The following AGAP1 variants were observed in gnomAD, a reference collection of about 807,000 sequenced individuals.
AGAP1 encodes arf-GAP with GTPase, ANK repeat and PH domain-containing protein 1.
A neutral mutation model predicts 105.3 loss-of-function variants in AGAP1; 29 were observed. The ratio of observed to expected loss-of-function variants is 0.28; its 90% CI spans 0.21 to 0.38. AGAP1 has a LOEUF of 0.38. AGAP1 is among the 10% of genes least tolerant of loss of function. The probability of loss-of-function intolerance (pLI) is 1.00; values close to 1 mark genes in which losing one functional copy is unlikely to be tolerated. For missense variants in AGAP1, 998 were observed against 1,165.1 expected (o/e 0.86, Z 2.09); for synonymous variants, 509 against 485.9 (o/e 1.05, Z -0.63).
At chr2:236,015,068 AT>A (rs1441444790) in intron 13 of AGAP1, among the ~76,000 whole-genome samples, 42 of 152,140 alleles carry the variant, frequency 2.8e-4, no homozygotes, top group South Asian at 8.3e-4. Context: ...TTATTTTACC[AT>A]TCGTGTTCCT....
chr2:235,695,330 G>A (rs761383398), intron 1 of AGAP1, among the ~76,000 whole-genome samples: 3 of 152,138 alleles, frequency 2.0e-5, no homozygotes, highest in Non-Finnish European at 2.9e-5. Context: ...GATGCTCATC[G>A]TAAAGACTTA....
chr2:235,517,954 A>AAAG lies in AGAP1; in HGVS notation c.163+23107_163+23108insGAA, dbSNP rs1942462718. Among the ~76,000 whole-genome samples the AAAG allele has an allele frequency of 1.3e-5, 2 of 151,878 alleles. No homozygotes were observed. The highest frequency in any genetic ancestry group is 4.8e-5 in the African/African-American group (2 of 41,374). ...TTTCAAAAAAAAAAAAAAAGAAAAA[A>AAAG]AAAAGGTAGAACTCATAGTTGCCAT... On this transcript the variant is annotated intron_variant, in intron 1 of 17. Transcript: ENST00000304032. The surrounding 1 kb of genome is among the most constrained non-coding windows in gnomAD (Gnocchi z 4.1).
At position 235,578,226 on chromosome 2, in the gene AGAP1, C is replaced by T. The variant is rs964222516; in HGVS notation, c.163+83377C>T. On this transcript the variant is annotated intron_variant, in intron 1 of 17. Transcript: ENST00000304032. This position sits in a 1 kb window ranked among gnomAD's most constrained non-coding sequence, Gnocchi z 4.9. Reference sequence around the variant, plus strand: ...TGAAACTGCCACTGTCAGAGCCAGCCTGAGCTCCACGGTGCCCGTCTCCTA... The same window carrying T: ...TGAAACTGCCACTGTCAGAGCCAGCTTGAGCTCCACGGTGCCCGTCTCCTA... Among the ~76,000 whole-genome samples the T allele has an allele frequency of 6.6e-6, 1 of 152,150 alleles. No homozygotes were observed. The highest frequency in any genetic ancestry group is 6.5e-5 in the Admixed American group (1 of 15,282).
In AGAP1 at chr2:235,621,647, C is replaced by G. The variant is rs1409008448; in HGVS notation, c.164-87532C>G. Among the ~76,000 whole-genome samples, 2 of 152,230 alleles carry G rather than the reference C, an allele frequency of 1.3e-5. No homozygotes were observed. The highest frequency in any genetic ancestry group is 2.9e-5 in the Non-Finnish European group (2 of 68,042). The stretch of plus-strand genomic sequence containing the variant: ...CAGATGTCAGTGACCCTTCTGGTCT[C>G]TCCAACACAAGGGTTGGTCATTCCC... On this transcript the variant is annotated intron_variant, in intron 1 of 17. Coordinates refer to ENST00000304032, the MANE Select transcript of AGAP1 (RefSeq NM_001037131.3). This position sits in a 1 kb window ranked among gnomAD's most constrained non-coding sequence, Gnocchi z 4.1.
intron 9 of AGAP1, among the ~76,000 whole-genome samples, chr2:235,873,259 C>T (rs560588836): frequency 1.1e-4 from 17 of 152,254 alleles, no homozygotes; most frequent in Admixed American, 4.6e-4. Context: ...TAATTTAAGC[C>T]AAGAAAGAAA....
At chr2:236,093,321 A>G (rs889853827) in intron 16 of AGAP1, among the ~76,000 whole-genome samples, 1 of 152,186 alleles carries the variant, frequency 6.6e-6, no homozygotes, top group African/African-American at 2.4e-5. Context: ...TCACTTGGTC[A>G]TTGTAAAGGG....
chr2:235,567,964 T>C lies in AGAP1; in HGVS notation c.163+73115T>C, dbSNP rs951065507. Among the ~76,000 whole-genome samples, 5 of 152,238 alleles carry C rather than the reference T, an allele frequency of 3.3e-5. 2 individuals carry two copies. ...AACTGAGACATTTCTGGAAGGTGGC[T>C]TTGGAGCCAGCATCCTTGCTGGTAT... On this transcript the variant is annotated intron_variant, in intron 1 of 17. Coordinates refer to ENST00000304032, the MANE Select transcript of AGAP1 (RefSeq NM_001037131.3).
chr2:235,735,864 A>C (rs1035264556), intron 3 of AGAP1, among the ~76,000 whole-genome samples: 4 of 152,072 alleles, frequency 2.6e-5, no homozygotes, highest in Non-Finnish European at 4.4e-5. Flanking sequence ...TTGCACTTGA[A>C]GTTGAGTTCA....
intron 13 of AGAP1, among the ~76,000 whole-genome samples, chr2:236,033,738 C>T (rs2057296016): frequency 6.6e-6 from 1 of 152,232 alleles, no homozygotes; most frequent in African/African-American, 2.4e-5. Context: ...TGACCGAGCC[C>T]TGCACCCATA....
chr2:235,562,361 C>G (rs1415793902), intron 1 of AGAP1, among the ~76,000 whole-genome samples: 1 of 152,136 alleles, frequency 6.6e-6, no homozygotes, highest in African/African-American at 2.4e-5. Context: ...CCACTTGGCA[C>G]TAACGGTGGG....
rs143378661 is a variant in AGAP1, at chr2:235,750,389, G to A, written c.574G>A (p.Asp192Asn). ...TTCTGCTAACCCGAGGGTCATCGAT[G>A]ACGCCAGGGCGAGGAAGCTCTCCAA... ...ISSANPRVID[D>N]ARARKLSNDL... The change falls in exon 6 of 18, where the codon GAC (aspartate) becomes AAC (asparagine). Residue 192 changes from aspartate (D) to asparagine (N), a missense_variant. Physicochemically the swap from Asp to Asn is conservative, Grantham distance 23. Transcript: ENST00000304032. The surrounding 1 kb of genome is among the most constrained non-coding windows in gnomAD (Gnocchi z 5.3). 2.4e-5 allele frequency: 38 copies of A among 1,614,202 alleles called. No homozygotes were observed. In the East Asian group the frequency reaches 4.0e-4, roughly 17 times the overall value.
rs182576513 is a variant in AGAP1 at position 235,663,453 on chromosome 2, G to T, written c.164-45726G>T. 1.5e-3 allele frequency among the ~76,000 whole-genome samples: 234 copies of T among 152,174 alleles called. No individual in the cohort carries two copies. The highest frequency in any genetic ancestry group is 5.1e-3 in the African/African-American group (210 of 41,546). ...ATACATCAAATATTCAAGTCCCCTG[G>T]GCACAGATAAAAGAGTTTTCAGATA... is the stretch of plus-strand genomic sequence containing the variant. On this transcript the variant is annotated intron_variant, in intron 1 of 17. Coordinates refer to ENST00000304032, the MANE Select transcript of AGAP1 (RefSeq NM_001037131.3). The surrounding 1 kb of genome is among the most constrained non-coding windows in gnomAD (Gnocchi z 5.4).
At chr2:235,880,746 A>C (rs2049979223) in intron 9 of AGAP1, among the ~76,000 whole-genome samples, 1 of 152,086 alleles carries the variant, frequency 6.6e-6, no homozygotes, top group Non-Finnish European at 1.5e-5. Context: ...TCTCAAAAAA[A>C]AAAAAAACAA....
chr2:235,753,042 A>C lies in AGAP1; in HGVS notation c.673+2554A>C, dbSNP rs1953588903. Reference sequence around the variant, plus strand: ...TTCCCATAAAGGCACTTAACCCATCACAGGGTTCCACCCTTGTGATCAGTC... The same window carrying C: ...TTCCCATAAAGGCACTTAACCCATCCCAGGGTTCCACCCTTGTGATCAGTC... On this transcript the variant is annotated intron_variant, in intron 6 of 17. Coordinates refer to ENST00000304032, the MANE Select transcript of AGAP1 (RefSeq NM_001037131.3). This position sits in a 1 kb window ranked among gnomAD's most constrained non-coding sequence, Gnocchi z 4.5. Among the ~76,000 whole-genome samples the C allele has an allele frequency of 6.6e-6, 1 of 152,176 alleles. No individual in the cohort carries two copies. Among genetic ancestry groups the C allele is most frequent in the African/African-American group, 2.4e-5 (1 of 41,444 alleles).
chr2:235,926,734 A>C (rs948394500), intron 11 of AGAP1, among the ~76,000 whole-genome samples: 1 of 152,198 alleles, frequency 6.6e-6, no homozygotes, highest in African/African-American at 2.4e-5. Flanking sequence ...CCTCCTCCGC[A>C]TATTTTTGGA....
At chr2:236,004,965 G>A (rs1029532417) in intron 13 of AGAP1, among the ~76,000 whole-genome samples, 2 of 152,264 alleles carry the variant, frequency 1.3e-5, no homozygotes, top group Middle Eastern at 3.4e-3. Context: ...TGAAATGAAT[G>A]GAAGAAAAAA....
chr2:235,860,318 T>C (rs1414692597), intron 9 of AGAP1, among the ~76,000 whole-genome samples: 1 of 152,218 alleles, frequency 6.6e-6, no homozygotes, highest in Non-Finnish European at 1.5e-5. Flanking sequence ...CGTTCGGTAT[T>C]TCCTTTAACT....
In AGAP1 at chr2:235,957,230, G is replaced by A. The variant is rs1559693516; in HGVS notation, c.1484-11232G>A. On this transcript the variant is annotated intron_variant, in intron 12 of 17. Coordinates refer to ENST00000304032, the MANE Select transcript of AGAP1 (RefSeq NM_001037131.3). The surrounding 1 kb of genome is among the most constrained non-coding windows in gnomAD (Gnocchi z 4.6). Reference sequence around the variant, plus strand: ...AGTAATCAAGGTCCTCATCTCAATGGAAGATCAAATTTCCTAAATTCCTAC... The same window carrying A: ...AGTAATCAAGGTCCTCATCTCAATGAAAGATCAAATTTCCTAAATTCCTAC... 6.6e-6 allele frequency among the ~76,000 whole-genome samples: 1 copy of A among 152,132 alleles called. No individual in the cohort carries two copies. Among genetic ancestry groups the A allele is most frequent in the African/African-American group, 2.4e-5 (1 of 41,422 alleles).
intron 1 of AGAP1, among the ~76,000 whole-genome samples, chr2:235,585,965 T>C (rs1945095148): frequency 6.6e-6 from 1 of 152,160 alleles, no homozygotes; most frequent in Non-Finnish European, 1.5e-5. Context: ...ATCAGTTAAA[T>C]TCTCAGGTTT....
Sources: allele counts gnomAD v4.1 joint callset (sites outside exome capture counted in the v4.1 genomes callset), GRCh38; gene constraint gnomAD v4.1.1; non-coding constraint Gnocchi (gnomAD v3.1); transcripts MANE v1.5; gene names NCBI Gene and HGNC (gene_info 2026-07-23, HGNC 2026-07-21).